GRIP1: variants seen among roughly 807,000 people sequenced by gnomAD.
The protein encoded by GRIP1 is glutamate receptor interacting protein 1.
In GRIP1, 45 loss-of-function variants were observed where a neutral mutation model predicts 129.9. That is an observed-to-expected ratio of 0.35 (90% CI 0.27 to 0.44). The LOEUF is 0.44. Among genes scored for constraint, GRIP1 ranks in the 20% least tolerant of loss-of-function variants. The pLI, the probability that GRIP1 is intolerant of heterozygous loss-of-function variation, is 1.00. For synonymous variants in GRIP1, 530 were observed against 520.8 expected (o/e 1.02, Z -0.24); for missense variants, 1,196 against 1,396.8 (o/e 0.86, Z 2.29).
chr12:66,486,647 C>A (rs1032544870), intron 7 of GRIP1, among the ~76,000 whole-genome samples: 1 of 152,190 alleles, frequency 6.6e-6, no homozygotes, highest in African/African-American at 2.4e-5. Flanking sequence ...TGCCTTCCAC[C>A]ATGATTGTAA....
chr12:66,766,306 C>T lies in GRIP1; in HGVS notation c.-420+37747G>A, dbSNP rs538879937. On this transcript the variant is annotated intron_variant, in intron 1 of 4. Transcript: ENST00000538373. ...GGACTGGCCTCCATTCTAGGGGCTC[C>T]CCTGGCCTTGCTATAAAAGCACACC... Among the ~76,000 whole-genome samples the T allele has an allele frequency of 2.0e-5, 3 of 152,284 alleles. No individual in the cohort carries two copies. The South Asian group carries it at 6.2e-4, about 32-fold the overall frequency.
At chr12:66,392,603 A>G in intron 18 of GRIP1, 74 bp downstream of exon 18, 1 of 1,584,056 alleles carries the variant, frequency 6.3e-7, no homozygotes, top group African/African-American at 1.3e-5. Flanking sequence ...AATTACACAC[A>G]GACACTAGCA....
At chr12:66,990,821 C>T (rs2042382805) in intron 1 of GRIP1, among the ~76,000 whole-genome samples, 1 of 151,952 alleles carries the variant, frequency 6.6e-6, no homozygotes, top group Non-Finnish European at 1.5e-5. Context: ...ATGGAGGAAC[C>T]CTGTCTCTAC....
intron 1 of GRIP1, among the ~76,000 whole-genome samples, chr12:66,924,368 G>T (rs2041262129): frequency 6.6e-6 from 1 of 152,134 alleles, no homozygotes; most frequent in African/African-American, 2.4e-5. Context: ...AAATCTAGGG[G>T]AAACGCTAGG....
chr12:66,715,471 T>TGAGAGAGAGAGAGA (rs71447469), intron 1 of GRIP1, among the ~76,000 whole-genome samples: 4 of 110,058 alleles, frequency 3.6e-5, no homozygotes, highest in Non-Finnish European at 5.9e-5. Context: ...TGTGTGTGTG[T>TGAGAGAGAGAGAGA]GAGAGAGAGA....
chr12:66,526,630 A>G (rs1213883481), intron 5 of GRIP1, among the ~76,000 whole-genome samples: 2 of 152,104 alleles, frequency 1.3e-5, no homozygotes, highest in Non-Finnish European at 2.9e-5. Flanking sequence ...CAAGGACTTC[A>G]TGTCTAAAAC....
At chr12:66,470,245 G>A (rs181230752) in intron 7 of GRIP1, among the ~76,000 whole-genome samples, 1 of 152,232 alleles carries the variant, frequency 6.6e-6, no homozygotes, top group East Asian at 1.9e-4. Flanking sequence ...GGTCTACAAG[G>A]ACCTGCATGA....
At chr12:66,890,456 A>G (rs938796470) in intron 1 of GRIP1, among the ~76,000 whole-genome samples, 10 of 152,228 alleles carry the variant, frequency 6.6e-5, no homozygotes, top group Non-Finnish European at 1.5e-4. Context: ...ATTGCCTGTG[A>G]AAACACTGAT....
chr12:66,452,214 G>A (rs2058828220), intron 11 of GRIP1, among the ~76,000 whole-genome samples: 1 of 152,192 alleles, frequency 6.6e-6, no homozygotes, highest in South Asian at 2.1e-4. Flanking sequence ...GAGATGATGA[G>A]GTTCTGGAAG....
intron 1 of GRIP1, among the ~76,000 whole-genome samples, chr12:66,916,789 C>T (rs2041130593): frequency 6.6e-6 from 1 of 151,910 alleles, no homozygotes; most frequent in African/African-American, 2.4e-5. Context: ...AATCTTAATA[C>T]AAAACAAATT....
intron 1 of GRIP1, among the ~76,000 whole-genome samples, chr12:66,684,249 T>A (rs1040533649): frequency 1.6e-4 from 25 of 152,166 alleles, no homozygotes; most frequent in African/African-American, 6.0e-4. Context: ...ATGGATTGGT[T>A]TGGTCAGAGA....
At chr12:67,041,966 T>C (rs537073602) in intron 1 of GRIP1, among the ~76,000 whole-genome samples, 127 of 152,286 alleles carry the variant, frequency 8.3e-4, no homozygotes, top group African/African-American at 3.0e-3. Flanking sequence ...TTAATCCCCA[T>C]TTTAACAGTG....
intron 14 of GRIP1, among the ~76,000 whole-genome samples, chr12:66,427,652 C>T (rs1165072371): frequency 2.0e-5 from 3 of 152,162 alleles, no homozygotes; most frequent in Admixed American, 2.0e-4. Context: ...ATGGAAAATG[C>T]TGACCACCAT....
intron 1 of GRIP1, among the ~76,000 whole-genome samples, chr12:66,620,111 G>A (rs2065204567): frequency 6.6e-6 from 1 of 152,196 alleles, no homozygotes; most frequent in Non-Finnish European, 1.5e-5. Context: ...TAGGTAGAAA[G>A]TAGTGGAGCA....
At chr12:66,768,973 G>A (rs2037731717) in intron 1 of GRIP1, among the ~76,000 whole-genome samples, 1 of 152,128 alleles carries the variant, frequency 6.6e-6, no homozygotes, top group African/African-American at 2.4e-5. Context: ...GAGAACCAAT[G>A]GTATGGGATT....
At chr12:66,595,724 T>C in intron 2 of GRIP1, among the ~76,000 whole-genome samples, 1 of 152,214 alleles carries the variant, frequency 6.6e-6, no homozygotes, top group East Asian at 1.9e-4. Context: ...CAAATTGCTT[T>C]AGAATCTTCA....
intron 1 of GRIP1, among the ~76,000 whole-genome samples, chr12:66,639,540 G>T (rs1283509054): frequency 6.6e-6 from 1 of 152,164 alleles, no homozygotes; most frequent in Non-Finnish European, 1.5e-5. Flanking sequence ...GGATTGGATA[G>T]CAAGTGGAAA....
intron 11 of GRIP1, among the ~76,000 whole-genome samples, chr12:66,453,533 G>T (rs1353537470): frequency 6.6e-6 from 1 of 152,184 alleles, no homozygotes; most frequent in East Asian, 1.9e-4. Flanking sequence ...ACTGTCAAGA[G>T]ATTTTCTCAT....
chr12:66,927,019 T>C (rs1455001897), intron 1 of GRIP1, among the ~76,000 whole-genome samples: 1 of 152,230 alleles, frequency 6.6e-6, no homozygotes, highest in Non-Finnish European at 1.5e-5. Context: ...CTAAGTATTC[T>C]TAGTGAGTGA....
Sources: allele counts gnomAD v4.1 joint callset (sites outside exome capture counted in the v4.1 genomes callset), GRCh38; gene constraint gnomAD v4.1.1; transcripts MANE v1.5; gene names NCBI Gene and HGNC (gene_info 2026-07-23, HGNC 2026-07-21).